Variants in PPFIA3 observed in about 807,000 individuals in gnomAD.
PPFIA3 encodes liprin-alpha-3.
PPFIA3 carries 26 observed loss-of-function variants against 145.8 expected under a neutral mutation model. That is an observed-to-expected ratio of 0.18 (90% CI 0.13 to 0.25). The LOEUF (loss-of-function observed/expected upper bound fraction) is 0.25. Among genes scored for constraint, PPFIA3 ranks in the 10% least tolerant of loss-of-function variants. PPFIA3 has a pLI of 1.00. For missense variants in PPFIA3, 1,008 were observed against 1,587.8 expected, an observed-to-expected ratio of 0.63 and a Z score of 6.21; for synonymous variants, 645 against 661.4, an observed-to-expected ratio of 0.98 and a Z score of 0.38.
rs191871790 is a variant in PPFIA3 at position 49,140,938 on chromosome 19, G to A, written c.2369-482G>A. Among the ~76,000 whole-genome samples the A allele has an allele frequency of 2.6e-3, 393 of 152,204 alleles. 2 individuals are homozygous for A. Among genetic ancestry groups the A allele is most frequent in the Non-Finnish European group, 4.0e-3 (275 of 68,010 alleles). ...CAAAGTGCTGGGATTACAGGTGTGA[G>A]CCACCGTGCCCAGCCACCTATTTTT... On this transcript the variant is annotated intron_variant, in intron 18 of 29. Coordinates refer to ENST00000334186, the MANE Select transcript of PPFIA3 (RefSeq NM_003660.4).
In PPFIA3 at chr19:49,133,216, C is replaced by A; in HGVS notation, c.1027-21C>A. ...CCAAGTGACCCAGCCCGTCCCCTCCCCCTGCCTCTCCCTCCCCCAGAGTGA... is the reference window on the plus strand; with the variant it reads ...CCAAGTGACCCAGCCCGTCCCCTCCACCTGCCTCTCCCTCCCCCAGAGTGA... On this transcript the variant is annotated intron_variant, in intron 8 of 29. Coordinates refer to ENST00000334186, the MANE Select transcript of PPFIA3 (RefSeq NM_003660.4). This position sits in a 1 kb window ranked among gnomAD's most constrained non-coding sequence, Gnocchi z 7.2. 1.9e-6 allele frequency: 3 copies of A among 1,593,254 alleles called. No homozygotes were observed. The highest frequency in any genetic ancestry group is 2.6e-6 in the Non-Finnish European group (3 of 1,167,844).
rs754922201 is a variant in PPFIA3 at position 49,149,348 on chromosome 19, G to GGGCTCTGCTCCCAGC, written c.3354+29_3354+43dup. On this transcript the variant is annotated intron_variant, in intron 27 of 29. Transcript: ENST00000334186. The surrounding 1 kb of genome is among the most constrained non-coding windows in gnomAD (Gnocchi z 5.7). ...GAGGTGGGCGCGGCAACAGCTCAGAGGGCTCTGCTCCCAGCGGCTCCTCGA... is the reference window on the plus strand; with the variant it reads ...GAGGTGGGCGCGGCAACAGCTCAGAGGGCTCTGCTCCCAGCGGCTCTGCTCCCAGCGGCTCCTCGA... 123 of 1,613,242 alleles carry GGGCTCTGCTCCCAGC rather than the reference G, an allele frequency of 7.6e-5. No individual in the cohort carries two copies. The Admixed American group carries it at 1.9e-3, about 25-fold the overall frequency.
Position 49,140,083 on chromosome 19 carries a change from C to T in PPFIA3, c.2363C>T (p.Ser788Phe). 1.2e-6 allele frequency: 2 copies of T among 1,613,994 alleles called. No homozygotes were observed. The highest frequency in any genetic ancestry group is 1.7e-6 in the Non-Finnish European group (2 of 1,180,038). The change falls in exon 18 of 30, where the codon TCT becomes TTT. Residue 788 changes from serine to phenylalanine, a missense_variant. By Grantham distance (155) the Ser-to-Phe change is radical (BLOSUM62 -2). Transcript: ENST00000334186. ...GGACCCCCAGGCCGGGACAGCTCTT[C>T]TCTGGGTGAGTACCTCACTCTAACC... ...RMGPPGRDSS[S>F]LAGTPSDETL...
chr19:49,148,761 G>A lies in PPFIA3; in HGVS notation c.3107G>A (p.Arg1036Gln), dbSNP rs759215269. ...RRREESQTQIRDVMVWSNERV... is the reference protein window; with the variant it reads ...RRREESQTQIQDVMVWSNERV... Reference sequence around the variant, plus strand: ...CGGGAAGAAAGTCAGACCCAGATCCGAGGTGAGTAGAGCCTAAGGGTCCCT... The same window carrying A: ...CGGGAAGAAAGTCAGACCCAGATCCAAGGTGAGTAGAGCCTAAGGGTCCCT... The change falls in exon 25 of 30, where the codon CGA (arginine) becomes CAA (glutamine). Residue 1036 changes from arginine to glutamine, a missense_variant and splice_region_variant. Arg to Gln is a conservative substitution (Grantham distance 43). Coordinates refer to ENST00000334186, the MANE Select transcript of PPFIA3 (RefSeq NM_003660.4). The A allele has an allele frequency of 1.2e-6, 2 of 1,612,030 alleles. No individual in the cohort carries two copies. Among genetic ancestry groups the A allele is most frequent in the African/African-American group, 1.3e-5 (1 of 74,950 alleles).
At position 49,150,068 on chromosome 19, in the gene PPFIA3, C is replaced by T. The variant is rs758040563; in HGVS notation, c.3527-12C>T. 1.2e-6 allele frequency: 2 copies of T among 1,606,060 alleles called. No individual in the cohort carries two copies. The highest frequency in any genetic ancestry group is 1.3e-5 in the African/African-American group (1 of 74,902). ...GTGCTCCAGGCTGAACCGCTGCTCG[C>T]TCTCCCTCCAGGCCAGACTTCTGGG... On this transcript the variant is annotated splice_polypyrimidine_tract_variant and intron_variant, in intron 28 of 29. Coordinates refer to ENST00000334186, the MANE Select transcript of PPFIA3 (RefSeq NM_003660.4).
chr19:49,141,539 T>C (rs1382248947), intron 19 of PPFIA3, 26 bp downstream of exon 19: 2 of 1,571,750 alleles, frequency 1.3e-6, no homozygotes, highest in Admixed American at 3.4e-5. Context: ...TGTGAGCGTG[T>C]GTGTGTGTAT....
chr19:49,126,365 C>T (rs2040998865), intron 1 of PPFIA3, among the ~76,000 whole-genome samples: 1 of 152,108 alleles, frequency 6.6e-6, no homozygotes, highest in East Asian at 1.9e-4. Flanking sequence ...TCTTGTGCCT[C>T]AGCCTCCCCA....
chr19:49,128,768 G>GC lies in PPFIA3; in HGVS notation c.343-77dup, dbSNP rs1288136125. 1.5e-6 allele frequency: 2 copies of GC among 1,340,924 alleles called. No individual in the cohort carries two copies. The highest frequency in any genetic ancestry group is 2.0e-6 in the Non-Finnish European group (2 of 984,284). The allele number at this position is 1,340,924 out of a possible 1,614,324, so 83.1% of individuals were successfully genotyped here. ...GCTCCATCTTTTCCTCCATGTGTCC[G>GC]CCCTACCTGTCACCCTTTTTCTCAC... On this transcript the variant is annotated intron_variant, in intron 3 of 29. Coordinates refer to ENST00000334186, the MANE Select transcript of PPFIA3 (RefSeq NM_003660.4). The surrounding 1 kb of genome is among the most constrained non-coding windows in gnomAD (Gnocchi z 4.1).
At chr19:49,148,361 G>A in intron 24 of PPFIA3, 103 bp downstream of exon 24, 1 of 1,276,248 alleles carries the variant, frequency 7.8e-7, no homozygotes, top group Non-Finnish European at 1.1e-6. Flanking sequence ...GCTTATCTTG[G>A]CCCTTTTAGC....
At chr19:49,145,276 T>A (rs187688314) in intron 21 of PPFIA3, among the ~76,000 whole-genome samples, 1 of 152,060 alleles carries the variant, frequency 6.6e-6, no homozygotes, top group African/African-American at 2.4e-5. Context: ...GTCTTCAATC[T>A]CCAAAAGTGA....
intron 16 of PPFIA3, among the ~76,000 whole-genome samples, chr19:49,139,182 G>A (rs568459621): frequency 2.6e-5 from 4 of 152,106 alleles, no homozygotes; most frequent in Admixed American, 1.3e-4. Flanking sequence ...AAAATTATCC[G>A]TGTATGGTGG....
intron 18 of PPFIA3, among the ~76,000 whole-genome samples, 168 bp downstream of exon 18, chr19:49,140,256 G>A (rs891733162): frequency 3.3e-5 from 5 of 152,164 alleles, no homozygotes; most frequent in African/African-American, 1.2e-4. Flanking sequence ...GGGAGGAGGA[G>A]GGAAAAGGAA....
intron 24 of PPFIA3, 82 bp from the exon 25 acceptor site, chr19:49,148,584 A>G (rs2041306018): frequency 1.8e-6 from 2 of 1,115,930 alleles, no homozygotes; most frequent in African/African-American, 3.1e-5. Flanking sequence ...AGAAGAGCGC[A>G]GCCAGTGGGG....
Position 49,133,799 on chromosome 19 carries a change from G to C in PPFIA3, c.1165G>C (p.Glu389Gln). The C allele has an allele frequency of 1.9e-6, 3 of 1,613,370 alleles. No individual in the cohort carries two copies. The highest frequency in any genetic ancestry group is 2.5e-6 in the Non-Finnish European group (3 of 1,179,988). The part of the protein sequence containing the change: ...AQRVAALNKA[E>Q]ERHGNFEERL... ...CGCCATGGGTTCCATCTCCTAGGCCGAGGAACGTCATGGGAATTTTGAGGA... is the reference window on the plus strand; with the variant it reads ...CGCCATGGGTTCCATCTCCTAGGCCCAGGAACGTCATGGGAATTTTGAGGA... The change falls in exon 10 of 30, where the codon GAG becomes CAG. Residue 389 changes from glutamate (E) to glutamine (Q), a missense_variant. Glu to Gln is a conservative substitution (Grantham distance 29). This residue lies in a region of PPFIA3 where 109 missense variants were observed against 198.1 expected (regional missense o/e 0.55). Transcript: ENST00000334186. This position sits in a 1 kb window ranked among gnomAD's most constrained non-coding sequence, Gnocchi z 7.2.
chr19:49,123,467 G>T (rs1012726206), intron 1 of PPFIA3, among the ~76,000 whole-genome samples: 2 of 151,430 alleles, frequency 1.3e-5, no homozygotes, highest in Admixed American at 6.6e-5. Flanking sequence ...TTGAGATCGA[G>T]TCTCACTCTG....
chr19:49,119,925 C>A (rs1197837351), intron 1 of PPFIA3, among the ~76,000 whole-genome samples: 1 of 151,888 alleles, frequency 6.6e-6, no homozygotes, highest in African/African-American at 2.4e-5. Context: ...CCGGGCGCAC[C>A]GCCGCCTCGC....
rs1159286899 is a variant in PPFIA3 at position 49,145,947 on chromosome 19, C to T, written c.2750C>T (p.Thr917Ile). 1 of 1,614,046 alleles carries T rather than the reference C, an allele frequency of 6.2e-7. No homozygotes were observed. The highest frequency in any genetic ancestry group is 1.7e-5 in the Admixed American group (1 of 60,032). The change falls in exon 22 of 30, where the codon ACA becomes ATA. Residue 917 changes from threonine (T) to isoleucine (I), a missense_variant. Thr to Ile is a moderately conservative substitution (Grantham distance 89). Transcript: ENST00000334186. ...PSAPASSRTS[T>I]GNVWMTHEEM... ...TTAACACTCCCTGCCCCTCAGTCCA[C>T]AGGAAACGTGTGGATGACACACGAG...
In PPFIA3 at chr19:49,130,090, C is replaced by G; in HGVS notation, c.657+23C>G. 6.2e-7 allele frequency: 1 copy of G among 1,600,718 alleles called. No individual in the cohort carries two copies. Among genetic ancestry groups the G allele is most frequent in the Non-Finnish European group, 8.5e-7 (1 of 1,173,126 alleles). Reference sequence around the variant, plus strand: ...CAGGTGAGACATGGAAGTCCCCTCTCCGTGAGCTCCATTCAACTCCCTGAC... The same window carrying G: ...CAGGTGAGACATGGAAGTCCCCTCTGCGTGAGCTCCATTCAACTCCCTGAC... On this transcript the variant is annotated intron_variant, in intron 6 of 29. Coordinates refer to ENST00000334186, the MANE Select transcript of PPFIA3 (RefSeq NM_003660.4). This position sits in a 1 kb window ranked among gnomAD's most constrained non-coding sequence, Gnocchi z 4.5.
At chr19:49,121,601 A>G (rs971589815) in intron 1 of PPFIA3, among the ~76,000 whole-genome samples, 1 of 151,824 alleles carries the variant, frequency 6.6e-6, no homozygotes, top group Non-Finnish European at 1.5e-5. Flanking sequence ...ACATGGAGAA[A>G]CCCTGTCTCT....
Sources: allele counts gnomAD v4.1 joint callset (sites outside exome capture counted in the v4.1 genomes callset), GRCh38; gene constraint gnomAD v4.1.1; regional missense constraint gnomAD v4.1.1; non-coding constraint Gnocchi (gnomAD v3.1); transcripts MANE v1.5; gene names NCBI Gene and HGNC (gene_info 2026-07-23, HGNC 2026-07-21).